The following FBN1 variants were observed in gnomAD, a reference collection of about 807,000 sequenced individuals.
FBN1 encodes the protein fibrillin-1.
Under a neutral mutation model 365.1 loss-of-function variants are expected in FBN1, and 29 were observed. That is an observed-to-expected ratio of 0.08 (90% CI 0.06 to 0.11). The LOEUF (loss-of-function observed/expected upper bound fraction) is 0.11. FBN1 is among the 10% of genes least tolerant of loss of function. The pLI is 1.00. For missense variants in FBN1, 2,476 were observed against 3,703.2 expected (o/e 0.67, Z 8.60); for synonymous variants, 1,210 against 1,270.5 (o/e 0.95, Z 1.01).
chr15:48,564,751 A>G (rs2044247555), intron 6 of FBN1, among the ~76,000 whole-genome samples: 1 of 152,188 alleles, frequency 6.6e-6, no homozygotes, highest in East Asian at 1.9e-4. Flanking sequence ...AATTAAGTTA[A>G]TAAACCAAAC....
chr15:48,613,876 T>A (rs2044675977), intron 2 of FBN1, among the ~76,000 whole-genome samples: 1 of 152,114 alleles, frequency 6.6e-6, no homozygotes, highest in Non-Finnish European at 1.5e-5. Context: ...TGCAGTGAGC[T>A]GACATCGCAC....
intron 2 of FBN1, chr15:48,644,323 T>C: frequency 2.0e-6 from 1 of 490,952 alleles, no homozygotes; most frequent in South Asian, 2.4e-5. Context: ...TCGCAACTCC[T>C]CCCCTTCTTC....
intron 4 of FBN1, among the ~76,000 whole-genome samples, chr15:48,608,572 G>C (rs1260264693): frequency 6.6e-6 from 1 of 152,140 alleles, no homozygotes; most frequent in Non-Finnish European, 1.5e-5. Context: ...TTAGTGCAGA[G>C]AGAATCAAAG....
At chr15:48,457,085 A>T (rs532783952) in intron 43 of FBN1, among the ~76,000 whole-genome samples, 6 of 152,280 alleles carry the variant, frequency 3.9e-5, no homozygotes, top group Middle Eastern at 3.4e-3. Flanking sequence ...GGGATGGTCA[A>T]GGGTAAACAG....
intron 8 of FBN1, among the ~76,000 whole-genome samples, chr15:48,526,889 C>T (rs766753286): frequency 7.9e-5 from 12 of 152,200 alleles, no homozygotes; most frequent in Non-Finnish European, 1.3e-4. Flanking sequence ...TGTCAACACA[C>T]GGTCTTTGGC....
intron 4 of FBN1, among the ~76,000 whole-genome samples, chr15:48,603,265 A>C (rs1442291325): frequency 6.6e-6 from 1 of 152,258 alleles, no homozygotes; most frequent in Non-Finnish European, 1.5e-5. Context: ...GAAGACATCA[A>C]GGAACCATAT....
intron 60 of FBN1, among the ~76,000 whole-genome samples, chr15:48,423,397 TA>T (rs2042957399): frequency 6.6e-6 from 1 of 152,170 alleles, no homozygotes; most frequent in Non-Finnish European, 1.5e-5. Flanking sequence ...GCTTCTCTTA[TA>T]ATGCTGCCTG....
At chr15:48,413,407 G>A (rs1247661184) in intron 64 of FBN1, among the ~76,000 whole-genome samples, 1 of 152,204 alleles carries the variant, frequency 6.6e-6, no homozygotes, top group Non-Finnish European at 1.5e-5. Flanking sequence ...AACCACTAGG[G>A]CCACTGGCTC....
chr15:48,638,504 C>A (rs1890139002), intron 2 of FBN1, among the ~76,000 whole-genome samples: 1 of 152,124 alleles, frequency 6.6e-6, no homozygotes, highest in African/African-American at 2.4e-5. Flanking sequence ...AACTCTGCAT[C>A]CCTTGTTTCT....
chr15:48,547,352 C>G (rs1415032526), intron 6 of FBN1, among the ~76,000 whole-genome samples: 1 of 152,152 alleles, frequency 6.6e-6, no homozygotes, highest in Non-Finnish European at 1.5e-5. Context: ...GGATTTCCTC[C>G]AGAGGAACTC....
chr15:48,622,523 T>G (rs1300142203), intron 2 of FBN1, among the ~76,000 whole-genome samples: 1 of 152,234 alleles, frequency 6.6e-6, no homozygotes, highest in Non-Finnish European at 1.5e-5. Flanking sequence ...CCTGGTGATT[T>G]CATTGTTGGA....
At chr15:48,419,201 C>T (rs1566890969) in intron 63 of FBN1, among the ~76,000 whole-genome samples, 1 of 152,178 alleles carries the variant, frequency 6.6e-6, no homozygotes, top group Non-Finnish European at 1.5e-5. Context: ...CTTCTGACTT[C>T]TAAATCAACT....
intron 6 of FBN1, among the ~76,000 whole-genome samples, chr15:48,567,430 TA>T (rs1311696771): frequency 6.6e-6 from 1 of 151,802 alleles, no homozygotes; most frequent in Non-Finnish European, 1.5e-5. Flanking sequence ...GAGACCAGTT[TA>T]AAAAAAATAA....
intron 17 of FBN1, among the ~76,000 whole-genome samples, chr15:48,503,172 C>T (rs112326154): frequency 0.018 from 2,727 of 151,780 alleles, 72 homozygotes; most frequent in African/African-American, 0.058. Context: ...GTGGCGCACA[C>T]GTGTAATCCC....
chr15:48,425,939 TG>T (rs2042976884), intron 58 of FBN1, 75 bp from the exon 59 acceptor site: 1 of 1,138,810 alleles, frequency 8.8e-7, no homozygotes. Flanking sequence ...GTCACTTCAG[TG>T]TAAATACTAA....
chr15:48,608,594 A>G (rs946695658), intron 4 of FBN1, among the ~76,000 whole-genome samples: 1 of 152,224 alleles, frequency 6.6e-6, no homozygotes, highest in African/African-American at 2.4e-5. Flanking sequence ...CAACAATTTT[A>G]AAGATTTCAA....
intron 2 of FBN1, among the ~76,000 whole-genome samples, chr15:48,624,027 G>A (rs1014603236): frequency 2.6e-5 from 4 of 150,946 alleles, no homozygotes; most frequent in African/African-American, 9.8e-5. Flanking sequence ...GAAATAGAAA[G>A]CTGAAAAGGC....
intron 15 of FBN1, 133 bp from the exon 16 acceptor site, chr15:48,505,280 A>C: frequency 5.8e-6 from 6 of 1,030,114 alleles, no homozygotes; most frequent in Non-Finnish European, 8.8e-6. Flanking sequence ...ACAAAAGCTC[A>C]AATGGCATTC....
chr15:48,487,241 T>G, intron 28 of FBN1, 41 bp from the exon 29 acceptor site: 1 of 1,614,104 alleles, frequency 6.2e-7, no homozygotes, highest in Non-Finnish European at 8.5e-7. Context: ...AAACATAAGC[T>G]TCCAACTTTG....
Sources: allele counts gnomAD v4.1 joint callset (sites outside exome capture counted in the v4.1 genomes callset), GRCh38; gene constraint gnomAD v4.1.1; transcripts MANE v1.5; gene names NCBI Gene and HGNC (gene_info 2026-07-23, HGNC 2026-07-21).